Variants in SLC4A4 observed in about 807,000 individuals in gnomAD.
The protein encoded by SLC4A4 is solute carrier family 4 member 4.
A neutral mutation model predicts 111.5 loss-of-function variants in SLC4A4; 27 were observed. That is an observed-to-expected ratio of 0.24 (90% CI 0.18 to 0.33). SLC4A4 has a LOEUF of 0.33. SLC4A4 is among the 10% of genes least tolerant of loss of function. SLC4A4 has a pLI of 1.00. For missense variants in SLC4A4, 909 were observed against 1,315.5 expected (o/e 0.69, Z 4.78); for synonymous variants, 443 against 463.4 (o/e 0.96, Z 0.57).
intron 20 of SLC4A4, among the ~76,000 whole-genome samples, chr4:71,552,645 CTTGT>C (rs1007507171): frequency 6.6e-6 from 1 of 151,672 alleles, no homozygotes; most frequent in African/African-American, 2.4e-5. Flanking sequence ...ATTCCATCTG[CTTGT>C]AGGGTCAATA....
intron 3 of SLC4A4, among the ~76,000 whole-genome samples, chr4:71,319,588 A>C (rs772182234): frequency 8.6e-5 from 13 of 151,966 alleles, no homozygotes; most frequent in Non-Finnish European, 1.8e-4. Flanking sequence ...TGTATTGAAA[A>C]TTTGTTGGTA....
Position 71,129,884 on chromosome 4 carries a change from G to A in SLC4A4, c.-2+37092G>A, listed in dbSNP as rs182428006. Among the ~76,000 whole-genome samples, 24 of 149,244 alleles carry A rather than the reference G, an allele frequency of 1.6e-4. No homozygotes were observed. In the East Asian group the frequency reaches 4.6e-3, roughly 28 times the overall value. ...TCCTAAGTAAACTAACACAGGAACAGAAAACCAAATATTGCCTGTTCTCAC... is the reference window on the plus strand; with the variant it reads ...TCCTAAGTAAACTAACACAGGAACAAAAAACCAAATATTGCCTGTTCTCAC... On this transcript the variant is annotated intron_variant, in intron 2 of 26. Transcript: ENST00000649996.
intron 18 of SLC4A4, among the ~76,000 whole-genome samples, chr4:71,539,452 C>A (rs1734852823): frequency 6.6e-6 from 1 of 152,150 alleles, no homozygotes; most frequent in Non-Finnish European, 1.5e-5. Context: ...TCTTCAAATG[C>A]TAGCCAGTGC....
At chr4:71,426,169 G>C (rs1723113756) in intron 7 of SLC4A4, among the ~76,000 whole-genome samples, 1 of 151,898 alleles carries the variant, frequency 6.6e-6, no homozygotes, top group Non-Finnish European at 1.5e-5. Flanking sequence ...TAAAATCTCT[G>C]TTTCAATGTT....
intron 14 of SLC4A4, among the ~76,000 whole-genome samples, chr4:71,479,846 G>C (rs142215194): frequency 6.6e-6 from 1 of 151,544 alleles, no homozygotes; most frequent in East Asian, 2.0e-4. Flanking sequence ...AATGCTTGCC[G>C]GAATCAGAAA....
chr4:71,489,440 A>T (rs1729703287), intron 15 of SLC4A4, among the ~76,000 whole-genome samples: 1 of 148,408 alleles, frequency 6.7e-6, no homozygotes, highest in Non-Finnish European at 1.5e-5. Flanking sequence ...CATCTGCAAC[A>T]TCGGGATGGT....
At position 71,480,505 on chromosome 4, in the gene SLC4A4, C is replaced by T. The variant is rs554560771; in HGVS notation, c.1904-6443C>T. On this transcript the variant is annotated intron_variant, in intron 14 of 25. Transcript: ENST00000264485. The stretch of plus-strand genomic sequence containing the variant: ...GTCTTCCCTCAAAAGCCATTTTTAC[C>T]CTTTGTTGCCTTTATTGACCTAGAA... 1.1e-4 allele frequency among the ~76,000 whole-genome samples: 17 copies of T among 151,670 alleles called. No homozygotes were observed. In the South Asian group the frequency reaches 3.5e-3, roughly 32 times the overall value.
At chr4:71,179,921 T>C (rs764475101) in intron 2 of SLC4A4, among the ~76,000 whole-genome samples, 1 of 152,138 alleles carries the variant, frequency 6.6e-6, no homozygotes, top group Non-Finnish European at 1.5e-5. Context: ...AGAACCAAGC[T>C]GGAGGCATCA....
chr4:71,547,531 T>G, intron 19 of SLC4A4, 117 bp from the exon 20 acceptor site: 2 of 829,716 alleles, frequency 2.4e-6, no homozygotes, highest in South Asian at 2.7e-5. Context: ...TATCAACACC[T>G]TTGTTGTTTT....
At chr4:71,275,362 G>C (rs1408896670) in intron 3 of SLC4A4, among the ~76,000 whole-genome samples, 1 of 152,158 alleles carries the variant, frequency 6.6e-6, no homozygotes, top group Non-Finnish European at 1.5e-5. Flanking sequence ...GATGCAGTTG[G>C]CATGGTGCCT....
chr4:71,465,714 T>C (rs1577970567), intron 12 of SLC4A4, among the ~76,000 whole-genome samples: 1 of 151,956 alleles, frequency 6.6e-6, no homozygotes, highest in Admixed American at 6.6e-5. Context: ...ACCTTTGTTT[T>C]TATTATTCTA....
intron 2 of SLC4A4, among the ~76,000 whole-genome samples, chr4:71,107,813 T>C (rs1406793136): frequency 6.6e-6 from 1 of 151,970 alleles, no homozygotes. Context: ...GCTTAAGCAA[T>C]CCTCCTGCCT....
At chr4:71,554,206 A>G (rs948012444) in intron 20 of SLC4A4, among the ~76,000 whole-genome samples, 7 of 151,882 alleles carry the variant, frequency 4.6e-5, no homozygotes, top group Non-Finnish European at 8.8e-5. Context: ...TTCTGGTTAC[A>G]ATAGCCTCCT....
chr4:71,187,094 C>G (rs750101373), upstream of SLC4A4: 1 of 152,138 alleles, frequency 6.6e-6, no homozygotes, highest in Non-Finnish European at 1.5e-5. Context: ...TCGCCTCTCT[C>G]CGGAGCGCGC....
chr4:71,079,279 G>C (rs1006656863), intron 1 of SLC4A4, among the ~76,000 whole-genome samples: 1 of 152,134 alleles, frequency 6.6e-6, no homozygotes, highest in Non-Finnish European at 1.5e-5. Flanking sequence ...TAATGGCCAG[G>C]CATTCCTATC....
chr4:71,447,667 T>C lies in SLC4A4; in HGVS notation c.987T>C (p.Gly329=). Residue 329 remains glycine (G), a synonymous_variant, in exon 9 of 26, where the codon GGT becomes GGC. Coordinates refer to ENST00000264485, the MANE Select transcript of SLC4A4 (RefSeq NM_001098484.3). ...TTAGGTTCTTGTTCATTCTCTTAGGTCCTAAGGGGAAAGCCAAGTCCTACC... is the reference window on the plus strand; with the variant it reads ...TTAGGTTCTTGTTCATTCTCTTAGGCCCTAAGGGGAAAGCCAAGTCCTACC... ...VPTRFLFILL[G]PKGKAKSYHE... is the part of the protein sequence containing the mutation. 6.2e-7 allele frequency: 1 copy of C among 1,611,560 alleles called. No homozygotes were observed. The highest frequency in any genetic ancestry group is 1.3e-5 in the African/African-American group (1 of 74,952).
At chr4:71,186,640 G>C (rs1745461305), upstream of SLC4A4, 1 of 151,602 alleles carries the variant, frequency 6.6e-6, no homozygotes, top group Non-Finnish European at 1.5e-5. Context: ...CGATGCCCGG[G>C]CGGCTGACGC....
At chr4:71,480,675 A>G (rs1032025504) in intron 14 of SLC4A4, among the ~76,000 whole-genome samples, 3 of 151,776 alleles carry the variant, frequency 2.0e-5, no homozygotes, top group African/African-American at 7.2e-5. Context: ...AATTGCCTTA[A>G]GATGTTTCTT....
intron 2 of SLC4A4, among the ~76,000 whole-genome samples, chr4:71,168,645 A>G (rs1417829205): frequency 6.9e-6 from 1 of 144,202 alleles, no homozygotes; most frequent in African/African-American, 2.6e-5. Context: ...CCATCCTTCT[A>G]CTATTTCCAT....
Sources: allele counts gnomAD v4.1 joint callset (sites outside exome capture counted in the v4.1 genomes callset), GRCh38; gene constraint gnomAD v4.1.1; transcripts MANE v1.5; gene names NCBI Gene and HGNC (gene_info 2026-07-23, HGNC 2026-07-21).